GRIN2A: variants seen among roughly 807,000 people sequenced by gnomAD.
The protein encoded by GRIN2A is glutamate ionotropic receptor NMDA type subunit 2A.
In GRIN2A, 22 loss-of-function variants were observed where a neutral mutation model predicts 113.4. The ratio of observed to expected loss-of-function variants is 0.19; its 90% CI spans 0.14 to 0.28. GRIN2A has a LOEUF of 0.28. GRIN2A is among the 10% of genes least tolerant of loss of function. The pLI, the probability that GRIN2A is intolerant of heterozygous loss-of-function variation, is 1.00. For synonymous variants in GRIN2A, 827 were observed against 738.4 expected, an observed-to-expected ratio of 1.12 and a Z score of -1.94; for missense variants, 1,502 against 1,887.0, an observed-to-expected ratio of 0.80 and a Z score of 3.78.
At chr16:9,833,867 G>A (rs2042541237) in intron 8 of GRIN2A, among the ~76,000 whole-genome samples, 1 of 152,080 alleles carries the variant, frequency 6.6e-6, no homozygotes, top group African/African-American at 2.4e-5. Context: ...TTACAGGTGT[G>A]TGCCACCATG....
At chr16:10,005,669 A>G (rs1827554852) in intron 2 of GRIN2A, among the ~76,000 whole-genome samples, 1 of 152,224 alleles carries the variant, frequency 6.6e-6, no homozygotes, top group African/African-American at 2.4e-5. Context: ...AATTTCATGT[A>G]ACATCTCCTG....
At chr16:9,990,552 C>CACGT (rs1567220747) in intron 2 of GRIN2A, among the ~76,000 whole-genome samples, 2 of 101,854 alleles carry the variant, frequency 2.0e-5, no homozygotes, top group Admixed American at 1.1e-4. Flanking sequence ...TACACGCGCG[C>CACGT]GCGCGCGCGC....
chr16:9,984,550 G>C (rs889246729), intron 2 of GRIN2A, among the ~76,000 whole-genome samples: 2 of 152,134 alleles, frequency 1.3e-5, no homozygotes, highest in Non-Finnish European at 2.9e-5. Flanking sequence ...TAGATGCCTA[G>C]TTTCATCCTT....
intron 2 of GRIN2A, among the ~76,000 whole-genome samples, chr16:10,174,361 G>A (rs981309706): frequency 6.6e-6 from 1 of 152,158 alleles, no homozygotes; most frequent in Non-Finnish European, 1.5e-5. Context: ...CATGGGCTCT[G>A]GCTTAAAATA....
intron 5 of GRIN2A, among the ~76,000 whole-genome samples, chr16:9,846,135 T>C (rs1415025341): frequency 6.6e-6 from 1 of 152,192 alleles, no homozygotes; most frequent in Non-Finnish European, 1.5e-5. Flanking sequence ...TTCACACAAT[T>C]ATGAATCATG....
At chr16:9,870,127 G>A (rs1479085806) in intron 4 of GRIN2A, among the ~76,000 whole-genome samples, 1 of 152,092 alleles carries the variant, frequency 6.6e-6, no homozygotes, top group Non-Finnish European at 1.5e-5. Flanking sequence ...TTCTGTGCAC[G>A]GAGAAGGCGG....
chr16:9,834,067 GCAA>G, intron 8 of GRIN2A, 35 bp downstream of exon 8: 1 of 1,603,774 alleles, frequency 6.2e-7, no homozygotes, highest in Non-Finnish European at 8.5e-7. Context: ...AAATGAAATT[GCAA>G]CAACATTGAA....
chr16:9,951,179 C>T (rs1226217757), intron 2 of GRIN2A, among the ~76,000 whole-genome samples: 3 of 152,152 alleles, frequency 2.0e-5, no homozygotes, highest in South Asian at 2.1e-4. Context: ...AGCAATGCAT[C>T]CACAGCAGAA....
intron 10 of GRIN2A, among the ~76,000 whole-genome samples, chr16:9,808,108 A>T (rs1318694104): frequency 1.3e-5 from 2 of 152,258 alleles, no homozygotes; most frequent in Non-Finnish European, 2.9e-5. Context: ...CACGAAGCAT[A>T]GCGTTTTTAT....
At chr16:9,962,006 TGG>T (rs1468901483) in intron 2 of GRIN2A, among the ~76,000 whole-genome samples, 1 of 152,130 alleles carries the variant, frequency 6.6e-6, no homozygotes, top group African/African-American at 2.4e-5. Flanking sequence ...AAAGAAGCAA[TGG>T]GGAAAGGATT....
intron 2 of GRIN2A, chr16:10,112,024 A>G (rs774264753): frequency 5.7e-5 from 37 of 645,588 alleles, no homozygotes; most frequent in Non-Finnish European, 9.9e-5. Flanking sequence ...AATGATCGCC[A>G]TGAGCTAGTG....
intron 2 of GRIN2A, among the ~76,000 whole-genome samples, chr16:10,126,551 C>A (rs2048939973): frequency 6.6e-6 from 1 of 152,128 alleles, no homozygotes; most frequent in South Asian, 2.1e-4. Context: ...AGTTTTTATT[C>A]TCTAATCACA....
At chr16:10,162,991 T>C (rs1443640491) in intron 2 of GRIN2A, among the ~76,000 whole-genome samples, 1 of 152,226 alleles carries the variant, frequency 6.6e-6, no homozygotes, top group East Asian at 1.9e-4. Context: ...AAGTTGATCT[T>C]TAACAAAGTT....
At chr16:10,107,471 G>A (rs1251888744) in intron 2 of GRIN2A, among the ~76,000 whole-genome samples, 2 of 152,210 alleles carry the variant, frequency 1.3e-5, no homozygotes, top group African/African-American at 4.8e-5. Context: ...GGATCCTGCT[G>A]GCTCTGTTGC....
chr16:10,115,158 G>C (rs772947040), intron 2 of GRIN2A, among the ~76,000 whole-genome samples: 7 of 152,172 alleles, frequency 4.6e-5, no homozygotes, highest in Non-Finnish European at 1.0e-4. Flanking sequence ...AGCCTGGAGA[G>C]ACAGTCTTAA....
At chr16:10,104,901 C>T (rs1183499349) in intron 2 of GRIN2A, among the ~76,000 whole-genome samples, 1 of 152,134 alleles carries the variant, frequency 6.6e-6, no homozygotes, top group African/African-American at 2.4e-5. Flanking sequence ...CAAAATAAGA[C>T]ACCTGAAACT....
intron 2 of GRIN2A, among the ~76,000 whole-genome samples, chr16:9,977,931 C>G (rs917262753): frequency 3.3e-5 from 5 of 152,034 alleles, no homozygotes; most frequent in African/African-American, 1.2e-4. Context: ...AGCTTAACAA[C>G]GAAGATGAAG....
intron 2 of GRIN2A, among the ~76,000 whole-genome samples, chr16:9,963,765 C>T (rs2045492375): frequency 6.6e-6 from 1 of 152,188 alleles, no homozygotes; most frequent in South Asian, 2.1e-4. Flanking sequence ...AATAATTCAT[C>T]CATTCAACAG....
At chr16:9,877,874 C>CA (rs2043402848) in intron 4 of GRIN2A, among the ~76,000 whole-genome samples, 2 of 141,892 alleles carry the variant, frequency 1.4e-5, no homozygotes, top group South Asian at 2.4e-4. Context: ...CTCCCTCTCC[C>CA]CCAACTCTCT....
Sources: allele counts gnomAD v4.1 joint callset (sites outside exome capture counted in the v4.1 genomes callset), GRCh38; gene constraint gnomAD v4.1.1; transcripts MANE v1.5; gene names NCBI Gene and HGNC (gene_info 2026-07-23, HGNC 2026-07-21).